EPB41L4A: variants seen among roughly 807,000 people sequenced by gnomAD.
EPB41L4A encodes the protein erythrocyte membrane protein band 4.1 like 4A.
Under a neutral mutation model 108.6 loss-of-function variants are expected in EPB41L4A, and 100 were observed. That is an observed-to-expected ratio of 0.92 (90% CI 0.78 to 1.09). The LOEUF is 1.09. EPB41L4A is among the 50% of genes least tolerant of loss of function. EPB41L4A has a pLI of 0.00. For missense variants in EPB41L4A, 1,030 were observed against 842.7 expected, an observed-to-expected ratio of 1.22 and a Z score of -2.75; for synonymous variants, 319 against 289.0, an observed-to-expected ratio of 1.10 and a Z score of -1.05.
intron 1 of EPB41L4A, among the ~76,000 whole-genome samples, chr5:112,328,766 C>T (rs549914432): frequency 2.6e-4 from 40 of 152,306 alleles, no homozygotes; most frequent in African/African-American, 8.9e-4. Flanking sequence ...TAAAACTTCT[C>T]AATTCCTTGC....
chr5:112,232,489 C>T, intron 12 of EPB41L4A, among the ~76,000 whole-genome samples: 1 of 152,022 alleles, frequency 6.6e-6, no homozygotes, highest in Non-Finnish European at 1.5e-5. Context: ...GTAGAACCAC[C>T]AGAAAGAACT....
intron 12 of EPB41L4A, among the ~76,000 whole-genome samples, chr5:112,155,732 T>C (rs1377471928): frequency 6.6e-6 from 1 of 152,302 alleles, no homozygotes; most frequent in Non-Finnish European, 1.5e-5. Context: ...AAAGCAATTA[T>C]TTGTCAACAA....
At chr5:112,146,103 G>A (rs1223197864) in intron 12 of EPB41L4A, 1 of 381,468 alleles carries the variant, frequency 2.6e-6, no homozygotes, top group Non-Finnish European at 5.1e-6. Context: ...CATCTGATAG[G>A]GTCTTACAGA....
intron 17 of EPB41L4A, among the ~76,000 whole-genome samples, chr5:112,188,582 A>G (rs920840404): frequency 2.0e-5 from 3 of 152,194 alleles, no homozygotes; most frequent in Non-Finnish European, 2.9e-5. Flanking sequence ...TAAATCAACC[A>G]TATCAAATGT....
At chr5:112,411,073 C>T (rs1409638334) in intron 1 of EPB41L4A, among the ~76,000 whole-genome samples, 1 of 152,156 alleles carries the variant, frequency 6.6e-6, no homozygotes, top group African/African-American at 2.4e-5. Context: ...ATCTCCATAA[C>T]TGGTGACCAA....
chr5:112,156,434 G>A (rs1051351861), intron 12 of EPB41L4A, among the ~76,000 whole-genome samples: 1 of 152,160 alleles, frequency 6.6e-6, no homozygotes, highest in Non-Finnish European at 1.5e-5. Context: ...AGAACTGAGG[G>A]CAGAAGATTA....
At chr5:112,415,510 T>TA (rs1762663292) in intron 1 of EPB41L4A, among the ~76,000 whole-genome samples, 2 of 152,308 alleles carry the variant, frequency 1.3e-5, no homozygotes, top group African/African-American at 4.8e-5. Context: ...TTTTGAGAAT[T>TA]AAATTTATAA....
intron 1 of EPB41L4A, among the ~76,000 whole-genome samples, chr5:112,308,886 T>G (rs1754860003): frequency 6.6e-6 from 1 of 152,074 alleles, no homozygotes; most frequent in Non-Finnish European, 1.5e-5. Context: ...TCCAATCTGA[T>G]TGAGCAAAAA....
Position 112,419,143 on chromosome 5 carries a change from C to A in EPB41L4A, c.-104G>T. On this transcript the variant is annotated 5_prime_UTR_variant, in exon 1 of 23. Transcript: ENST00000261486. ...CATTAATTTATTGTCCGCGCCGTGGCGAGGGTGAGACGAGCAGCTCCCGGC... is the reference window on the plus strand; with the variant it reads ...CATTAATTTATTGTCCGCGCCGTGGAGAGGGTGAGACGAGCAGCTCCCGGC... The A allele has an allele frequency of 1.2e-6, 1 of 860,730 alleles. No individual in the cohort carries two copies. Among genetic ancestry groups the A allele is most frequent in the Non-Finnish European group, 1.9e-6 (1 of 532,944 alleles). 53.3% of individuals were successfully genotyped at this position (860,730 alleles called of 1,614,324 possible).
At position 112,169,039 on chromosome 5, in the gene EPB41L4A, C is replaced by A. The variant is rs1334536875; in HGVS notation, c.1806G>T (p.Arg602Ser). 1.2e-6 allele frequency: 2 copies of A among 1,614,122 alleles called. No individual in the cohort carries two copies. The highest frequency in any genetic ancestry group is 1.1e-5 in the South Asian group (1 of 91,070). Reference protein sequence around the residue: ...HSPRSYRQYRRSQCSDGERSV... With the variant: ...HSPRSYRQYRSSQCSDGERSV... The stretch of plus-strand genomic sequence containing the variant: ...ATCGCTCCCCATCTGAACACTGGGA[C>A]CTGCGATACTGGCGGTAACTTCGTG... Residue 602 changes from arginine to serine, a missense_variant, in exon 21 of 23, where the codon AGG (arginine) becomes AGT (serine). Transcript: ENST00000261486.
intron 19 of EPB41L4A, among the ~76,000 whole-genome samples, chr5:112,170,693 A>C (rs745357700): frequency 6.6e-6 from 1 of 152,064 alleles, no homozygotes; most frequent in East Asian, 1.9e-4. Context: ...TTTGTAAACT[A>C]TTGGCCTGTC....
rs1487234549 is a variant in EPB41L4A at position 112,414,232 on chromosome 5, A to G, written c.99+4709T>C. On this transcript the variant is annotated intron_variant, in intron 1 of 22. Transcript: ENST00000261486. ...AAGATAAAGATAACATATTGTTTTC[A>G]CTGAATATGAGGGTAAACAACTCAC... Among the ~76,000 whole-genome samples the G allele has an allele frequency of 1.1e-4, 16 of 152,228 alleles. 1 individual carries two copies.
At chr5:112,328,014 A>G (rs1053836365) in intron 1 of EPB41L4A, among the ~76,000 whole-genome samples, 14 of 152,180 alleles carry the variant, frequency 9.2e-5, no homozygotes, top group Admixed American at 8.5e-4. Flanking sequence ...ATGCTATAAA[A>G]TATTGGGGGA....
chr5:112,305,223 A>G (rs1361603951), intron 2 of EPB41L4A, among the ~76,000 whole-genome samples: 1 of 152,168 alleles, frequency 6.6e-6, no homozygotes, highest in East Asian at 1.9e-4. Flanking sequence ...CAGAAAGATA[A>G]TAATACTTTA....
intron 1 of EPB41L4A, among the ~76,000 whole-genome samples, chr5:112,327,507 G>A (rs1468222409): frequency 6.6e-6 from 1 of 152,036 alleles, no homozygotes; most frequent in Non-Finnish European, 1.5e-5. Flanking sequence ...CTTGAGGCAA[G>A]GAGTTCAAGA....
chr5:112,333,687 G>A (rs538605343), intron 1 of EPB41L4A, among the ~76,000 whole-genome samples: 1 of 152,234 alleles, frequency 6.6e-6, no homozygotes, highest in South Asian at 2.1e-4. Flanking sequence ...CATACTGACA[G>A]CAGATCTAAT....
At chr5:112,291,377 G>A (rs1753629615) in intron 2 of EPB41L4A, among the ~76,000 whole-genome samples, 1 of 152,062 alleles carries the variant, frequency 6.6e-6, no homozygotes, top group Admixed American at 6.5e-5. Flanking sequence ...CTCCAGCCTC[G>A]GTGTAAATAC....
intron 1 of EPB41L4A, among the ~76,000 whole-genome samples, chr5:112,342,012 T>C (rs532735391): frequency 1.8e-4 from 28 of 152,232 alleles, no homozygotes; most frequent in African/African-American, 6.5e-4. Flanking sequence ...AACCATTTCC[T>C]CCTATAGAAT....
At chr5:112,185,421 T>C (rs1043329192) in intron 17 of EPB41L4A, among the ~76,000 whole-genome samples, 1 of 152,234 alleles carries the variant, frequency 6.6e-6, no homozygotes, top group African/African-American at 2.4e-5. Flanking sequence ...CAAATATTCA[T>C]TTCACATATA....
Sources: gnomAD v4.1 joint callset for allele counts (sites outside exome capture counted in the v4.1 genomes callset) on GRCh38, gnomAD v4.1.1 for gene constraint, MANE v1.5 for transcripts, NCBI Gene and HGNC (gene_info 2026-07-23, HGNC 2026-07-21) for gene names.